NRXN3: variants seen among roughly 807,000 people sequenced by gnomAD.
NRXN3 encodes the protein neurexin III.
Under a neutral mutation model 137.6 loss-of-function variants are expected in NRXN3, and 32 were observed. The ratio of observed to expected loss-of-function variants is 0.23; its 90% confidence interval spans 0.18 to 0.31. NRXN3 has a LOEUF of 0.31. Among genes scored for constraint, NRXN3 ranks in the 10% least tolerant of loss-of-function variants. The pLI is 1.00. For missense variants in NRXN3, 1,574 were observed against 2,062.5 expected, an observed-to-expected ratio of 0.76 and a Z score of 4.59; for synonymous variants, 798 against 784.5, an observed-to-expected ratio of 1.02 and a Z score of -0.29.
chr14:78,550,849 A>G (rs1325200103), intron 4 of NRXN3, among the ~76,000 whole-genome samples: 1 of 152,218 alleles, frequency 6.6e-6, no homozygotes, highest in Non-Finnish European at 1.5e-5. Flanking sequence ...CTATACTGCC[A>G]TGCTGTTATA....
intron 8 of NRXN3, among the ~76,000 whole-genome samples, chr14:78,739,076 C>T (rs1313617867): frequency 2.6e-5 from 4 of 152,226 alleles, no homozygotes; most frequent in East Asian, 1.9e-4. Context: ...TCCTATTCTC[C>T]GTCATAAGTT....
At chr14:79,280,595 AGC>A (rs1191748339) in intron 15 of NRXN3, 1 of 1,493,468 alleles carries the variant, frequency 6.7e-7, no homozygotes, top group Non-Finnish European at 9.2e-7. Context: ...CTAACCCACT[AGC>A]CTTGCAGGTA....
chr14:78,764,383 G>C (rs1409467508), intron 8 of NRXN3, among the ~76,000 whole-genome samples: 1 of 152,154 alleles, frequency 6.6e-6, no homozygotes, highest in Non-Finnish European at 1.5e-5. Flanking sequence ...TTCATTGCAG[G>C]AGGGCTTACC....
intron 16 of NRXN3, among the ~76,000 whole-genome samples, chr14:79,613,083 C>G (rs2098121038): frequency 6.6e-6 from 1 of 152,152 alleles, no homozygotes; most frequent in South Asian, 2.1e-4. Context: ...AAAGGACATC[C>G]TTTGTCCTTC....
intron 15 of NRXN3, chr14:79,279,860 A>G (rs1330841116): frequency 9.9e-7 from 1 of 1,011,814 alleles, no homozygotes; most frequent in South Asian, 4.2e-5. Context: ...ACCTGAACCC[A>G]CTTGGGTTCG....
intron 4 of NRXN3, among the ~76,000 whole-genome samples, chr14:78,335,202 T>G (rs989801637): frequency 4.6e-5 from 7 of 152,198 alleles, no homozygotes; most frequent in African/African-American, 1.7e-4. Flanking sequence ...ATAAAAATAA[T>G]TGGGCAATGT....
intron 15 of NRXN3, among the ~76,000 whole-genome samples, chr14:79,263,259 C>G (rs1467431355): frequency 6.6e-6 from 1 of 152,106 alleles, no homozygotes; most frequent in African/African-American, 2.4e-5. Flanking sequence ...ACAGACTAGG[C>G]AAATATTGGC....
rs144233599 is a variant in NRXN3 at position 79,390,211 on chromosome 14, G to A, written c.3263-77010G>A. Among the ~76,000 whole-genome samples the A allele has an allele frequency of 3.6e-3, 548 of 151,900 alleles. 1 individual carries two copies. The highest frequency in any genetic ancestry group is 0.011 in the African/African-American group (457 of 41,402). ...GGGCACCTGTAGTCCCAGCTACTCG[G>A]GAGGCTGAGGCAGGAGAATGGCATG... On this transcript the variant is annotated intron_variant, in intron 15 of 20. Coordinates refer to ENST00000335750, the MANE Select transcript of NRXN3 (RefSeq NM_001330195.2).
intron 15 of NRXN3, among the ~76,000 whole-genome samples, chr14:79,160,877 C>T (rs949681809): frequency 4.2e-4 from 64 of 151,860 alleles, no homozygotes; most frequent in African/African-American, 1.3e-3. Context: ...GTCATGACAA[C>T]GCTTCAACCA....
intron 15 of NRXN3, among the ~76,000 whole-genome samples, chr14:79,461,677 TATG>T (rs977654187): frequency 2.5e-4 from 38 of 152,316 alleles, no homozygotes; most frequent in African/African-American, 8.2e-4. Context: ...TGGTAATTGA[TATG>T]AATTTAAAAG....
chr14:79,689,307 T>A (rs2098707383), intron 17 of NRXN3, among the ~76,000 whole-genome samples: 1 of 152,124 alleles, frequency 6.6e-6, no homozygotes, highest in Admixed American at 6.6e-5. Flanking sequence ...ATAAGAATAC[T>A]TATATTTAGA....
At chr14:78,221,909 G>A (rs570864073) in intron 1 of NRXN3, among the ~76,000 whole-genome samples, 2 of 152,256 alleles carry the variant, frequency 1.3e-5, no homozygotes, top group East Asian at 3.9e-4. Flanking sequence ...TCAAGATATG[G>A]GGAAATAGAC....
intron 10 of NRXN3, among the ~76,000 whole-genome samples, chr14:78,910,983 T>C (rs979833093): frequency 7.9e-5 from 12 of 152,208 alleles, no homozygotes; most frequent in Non-Finnish European, 1.5e-4. Flanking sequence ...CCTCAATAAA[T>C]TTGACTTTTC....
chr14:79,353,799 T>G (rs952535180), intron 15 of NRXN3, among the ~76,000 whole-genome samples: 1 of 152,170 alleles, frequency 6.6e-6, no homozygotes, highest in African/African-American at 2.4e-5. Context: ...TCCGGCGTCT[T>G]TAGTCACTTG....
rs150529653 is a variant in NRXN3, at chr14:78,255,843, C to A, written c.709+12041C>A. ...ATTCATATATGTGTGTGCCTGTGCT[C>A]CCTAATGTGTGGTGGATGGATGCAG... On this transcript the variant is annotated intron_variant, in intron 2 of 20. Transcript: ENST00000335750. 2.2e-3 allele frequency among the ~76,000 whole-genome samples: 342 copies of A among 152,260 alleles called. 2 individuals are homozygous for A. Among genetic ancestry groups the A allele is most frequent in the Non-Finnish European group, 2.8e-3 (193 of 68,024 alleles).
chr14:78,729,520 T>G (rs2152895218), intron 8 of NRXN3, among the ~76,000 whole-genome samples: 1 of 152,336 alleles, frequency 6.6e-6, no homozygotes, highest in Admixed American at 6.5e-5. Flanking sequence ...ATCTTCCACA[T>G]CTTTTCATTC....
chr14:78,325,432 G>A (rs2079947395), intron 4 of NRXN3, among the ~76,000 whole-genome samples: 1 of 150,718 alleles, frequency 6.6e-6, no homozygotes, highest in Non-Finnish European at 1.5e-5. Context: ...TACTGAATCT[G>A]TAAAATGGGA....
chr14:79,857,758 C>A (rs2099405883), intron 20 of NRXN3, among the ~76,000 whole-genome samples: 1 of 152,106 alleles, frequency 6.6e-6, no homozygotes, highest in Admixed American at 6.5e-5. Context: ...GTCATAAGGA[C>A]CCCCGTGTAC....
At chr14:79,808,307 C>T (rs2099218117) in intron 20 of NRXN3, among the ~76,000 whole-genome samples, 2 of 149,090 alleles carry the variant, frequency 1.3e-5, no homozygotes, top group Admixed American at 1.3e-4. Context: ...TCAGGCTTCA[C>T]ATTTTCCAAA....
Sources: gnomAD v4.1 joint callset for allele counts (sites outside exome capture counted in the v4.1 genomes callset) on GRCh38, gnomAD v4.1.1 for gene constraint, MANE v1.5 for transcripts, NCBI Gene and HGNC (gene_info 2026-07-23, HGNC 2026-07-21) for gene names.